Variants in TCAIM observed in about 807,000 individuals in gnomAD.
TCAIM encodes the protein T-cell activation inhibitor, mitochondrial.
TCAIM carries 36 observed loss-of-function variants against 58.6 expected under a neutral mutation model. The ratio of observed to expected loss-of-function variants is 0.61; its 90% CI spans 0.47 to 0.81. The LOEUF (loss-of-function observed/expected upper bound fraction) is 0.81. Ranked by LOEUF, TCAIM falls within the 30% of genes least tolerant of loss-of-function variation. The probability of loss-of-function intolerance (pLI) is 0.00; values close to 1 mark genes in which losing one functional copy is unlikely to be tolerated. For missense variants in TCAIM, 466 were observed against 579.6 expected (o/e 0.80, Z 2.01); for synonymous variants, 172 against 193.6 (o/e 0.89, Z 0.93).
At chr3:44,356,823 A>G (rs1345488261) in intron 2 of TCAIM, among the ~76,000 whole-genome samples, 1 of 145,428 alleles carries the variant, frequency 6.9e-6, no homozygotes, top group South Asian at 2.2e-4. Context: ...AAAAAAAAAA[A>G]AAAACAGTCG....
chr3:44,362,415 C>A, intron 4 of TCAIM: 1 of 400,902 alleles, frequency 2.5e-6, no homozygotes, highest in Admixed American at 4.4e-5. Flanking sequence ...TCCCCCGGCT[C>A]TCAGGACTTC....
intron 1 of TCAIM, among the ~76,000 whole-genome samples, chr3:44,348,556 C>T (rs1701020517): frequency 6.6e-6 from 1 of 152,176 alleles, no homozygotes; most frequent in African/African-American, 2.4e-5. Flanking sequence ...TTCTTGTGTG[C>T]TGGAGATGTG....
At chr3:44,374,947 C>T (rs1285951770) in intron 5 of TCAIM, among the ~76,000 whole-genome samples, 2 of 151,954 alleles carry the variant, frequency 1.3e-5, no homozygotes, top group Non-Finnish European at 1.5e-5. Flanking sequence ...TCTCTTAAAT[C>T]CATGGAAAAC....
intron 3 of TCAIM, 86 bp from the exon 4 acceptor site, chr3:44,361,279 A>G (rs1378016643): frequency 4.4e-6 from 5 of 1,148,002 alleles, no homozygotes; most frequent in Non-Finnish European, 6.0e-6. Flanking sequence ...TAATACTCTC[A>G]ATGTGTTTAA....
At chr3:44,386,648 G>T (rs892829144) in intron 5 of TCAIM, among the ~76,000 whole-genome samples, 1 of 152,246 alleles carries the variant, frequency 6.6e-6, no homozygotes, top group African/African-American at 2.4e-5. Context: ...GAGCAAATTT[G>T]TGGCAGAGCC....
chr3:44,381,646 A>T (rs1701656947), intron 5 of TCAIM, among the ~76,000 whole-genome samples: 1 of 152,134 alleles, frequency 6.6e-6, no homozygotes, highest in African/African-American at 2.4e-5. Flanking sequence ...CAATTAGGCA[A>T]GAAAAAGAAA....
At chr3:44,370,076 G>A (rs538264550) in intron 5 of TCAIM, among the ~76,000 whole-genome samples, 82 of 111,746 alleles carry the variant, frequency 7.3e-4, no homozygotes, top group African/African-American at 2.1e-3. Flanking sequence ...AAGTTATGTT[G>A]CTGTGAATTC....
At position 44,400,372 on chromosome 3, in the gene TCAIM, A is replaced by C. The variant is rs138692111; in HGVS notation, c.903A>C (p.Pro301=). ...HHWTKLFERL[P]SYFDLQRRLM... ...CACTGTAGCTTTTTGAAAGATTGCC[A>C]AGTTATTTTGACCTTCAGAGGAGGC... The change falls in exon 9 of 11, where the codon CCA becomes CCC. Residue 301 remains proline (P), a synonymous_variant. Transcript: ENST00000342649. 1.5e-4 allele frequency: 242 copies of C among 1,613,432 alleles called. No homozygotes were observed. The African/African-American group carries it at 3.1e-3, about 21-fold the overall frequency.
At chr3:44,389,955 C>T (rs573014887) in intron 5 of TCAIM, among the ~76,000 whole-genome samples, 2 of 152,176 alleles carry the variant, frequency 1.3e-5, no homozygotes, top group African/African-American at 4.8e-5. Flanking sequence ...ACATGCCATT[C>T]TCTCTCACCT....
At chr3:44,381,321 C>G (rs1283651875) in intron 5 of TCAIM, among the ~76,000 whole-genome samples, 2 of 152,048 alleles carry the variant, frequency 1.3e-5, no homozygotes, top group Non-Finnish European at 2.9e-5. Flanking sequence ...CAAAATCAAT[C>G]AGTGCGATAC....
intron 5 of TCAIM, among the ~76,000 whole-genome samples, chr3:44,385,754 A>G (rs1187247192): frequency 6.6e-6 from 1 of 151,908 alleles, no homozygotes; most frequent in Non-Finnish European, 1.5e-5. Flanking sequence ...AAAACAAAAA[A>G]AATCTGAAAA....
chr3:44,379,943 T>C (rs1306088278), intron 5 of TCAIM, among the ~76,000 whole-genome samples: 1 of 152,114 alleles, frequency 6.6e-6, no homozygotes, highest in Admixed American at 6.6e-5. Flanking sequence ...TATCAGGTAC[T>C]GTGCTTAGTA....
chr3:44,394,533 A>G (rs1701890621), intron 6 of TCAIM, among the ~76,000 whole-genome samples: 2 of 152,116 alleles, frequency 1.3e-5, no homozygotes, highest in South Asian at 4.1e-4. Context: ...ACAAAAAAAG[A>G]AATAAACATT....
chr3:44,379,740 A>G (rs994315349), intron 5 of TCAIM, among the ~76,000 whole-genome samples: 1 of 152,092 alleles, frequency 6.6e-6, no homozygotes. Context: ...AGGGAGAGAG[A>G]GGGGAAGGGT....
At chr3:44,340,676 T>C (rs1575229292) in intron 1 of TCAIM, 2 of 152,090 alleles carry the variant, frequency 1.3e-5, no homozygotes, top group Admixed American at 1.3e-4. Flanking sequence ...CAGGATTCCC[T>C]AATACAGTGG....
chr3:44,370,289 G>A (rs1311982249), intron 5 of TCAIM, among the ~76,000 whole-genome samples: 5 of 151,848 alleles, frequency 3.3e-5, no homozygotes, highest in Non-Finnish European at 5.9e-5. Context: ...GTGAAACCCC[G>A]TCTCTACTAA....
chr3:44,354,009 C>G (rs1701144686), intron 1 of TCAIM, among the ~76,000 whole-genome samples: 1 of 152,158 alleles, frequency 6.6e-6, no homozygotes, highest in South Asian at 2.1e-4. Context: ...CCAAGGTCAT[C>G]TAGATTTTCT....
intron 5 of TCAIM, among the ~76,000 whole-genome samples, chr3:44,379,328 C>T (rs1351067919): frequency 6.6e-6 from 1 of 152,120 alleles, no homozygotes; most frequent in African/African-American, 2.4e-5. Flanking sequence ...CCTCAAAGAA[C>T]TTAAAACAAC....
In TCAIM at chr3:44,357,864, C is replaced by T; in HGVS notation, c.153C>T (p.His51=). ...TACATCCAGATTTCTTTGGACAGCA[C>T]CCCGTAGAAAGGGTAAACATTTATT... The part of the protein sequence containing the change: ...FAVHPDFFGQ[H]PVEREINENS... Residue 51 remains histidine (H), a synonymous_variant, in exon 3 of 11, where the codon CAC becomes CAT. Transcript: ENST00000342649. 5.0e-6 allele frequency: 8 copies of T among 1,613,852 alleles called. No individual in the cohort carries two copies. The highest frequency in any genetic ancestry group is 3.3e-5 in the Admixed American group (2 of 59,958).
Sources: allele counts gnomAD v4.1 joint callset (sites outside exome capture counted in the v4.1 genomes callset), GRCh38; gene constraint gnomAD v4.1.1; transcripts MANE v1.5; gene names NCBI Gene and HGNC (gene_info 2026-07-23, HGNC 2026-07-21).